Variants in ACOT1 observed in about 807,000 individuals in gnomAD.
The protein encoded by ACOT1 is acyl-CoA thioesterase 1, also known as acyl-coenzyme A thioesterase 1.
In ACOT1, 8 loss-of-function variants were observed where a neutral mutation model predicts 15.7. That is an observed-to-expected ratio of 0.51 (90% CI 0.30 to 0.92). ACOT1 has a LOEUF of 0.92. Ranked by LOEUF, ACOT1 falls within the 40% of genes least tolerant of loss-of-function variation. ACOT1 has a pLI of 0.06. For synonymous variants in ACOT1, 67 were observed against 241.2 expected (o/e 0.28, Z 6.69); for missense variants, 151 against 539.4 (o/e 0.28, Z 7.13).
chr14:73,532,303 T>C (rs1271325150), upstream of ACOT1, among the ~76,000 whole-genome samples: 30 of 115,876 alleles, frequency 2.6e-4, 12 homozygotes, highest in Non-Finnish European at 4.3e-4. Context: ...CCTGGCTAGA[T>C]TATTAGCCAT....
chr14:73,520,911 G>A, the ACOT1 span: 1 of 1,614,008 alleles, frequency 6.2e-7, no homozygotes, highest in South Asian at 1.1e-5. Context: ...TCCAGCTCGG[G>A]GAGTCACCTG....
Position 73,543,436 on chromosome 14 carries a change from GC to G in ACOT1, c.1051del (p.Gln351ArgfsTer83). The G allele has an allele frequency of 9.6e-7, 1 of 1,037,780 alleles. No individual in the cohort carries two copies. Among genetic ancestry groups the G allele is most frequent in the Non-Finnish European group, 1.4e-6 (1 of 715,890 alleles). 64.3% of individuals were successfully genotyped at this position (1,037,780 alleles called of 1,614,324 possible). A position where few individuals can be genotyped will look rare whatever the true frequency, so the allele number is the denominator to read the frequency against. On this transcript the variant is annotated frameshift_variant, in exon 3 of 3. Transcript: ENST00000311148. LOFTEE classifies it low-confidence loss of function (END_TRUNC). ...GCTTGCAGGCCCATGGGAGGAGAAA[GC>G]CCCAGATCATCTGTTACCCAGAGAC... ...KRLQAHGRRK[P>X]QIICYPETGH...
chr14:73,492,950 G>A, the ACOT1 span: 1 of 1,609,096 alleles, frequency 6.2e-7, no homozygotes, highest in East Asian at 2.2e-5. This position sits in a 1 kb window ranked among gnomAD's most constrained non-coding sequence, Gnocchi z 4.9. Context: ...TTAGTTTCTT[G>A]TTGATTGCTG....
chr14:73,493,400 T>C, the ACOT1 span: 3 of 373,760 alleles, frequency 8.0e-6, no homozygotes, highest in Non-Finnish European at 1.5e-5. Context: ...ATGTTTCCCT[T>C]TCCTAAGGCT....
At chr14:73,506,679 G>T in the ACOT1 span, 1 of 760,914 alleles carries the variant, frequency 1.3e-6, no homozygotes, top group Non-Finnish European at 2.2e-6. Flanking sequence ...GTCACCAGTG[G>T]GCTTACAAGA....
chr14:73,500,743 A>G, the ACOT1 span: 329 of 1,609,352 alleles, frequency 2.0e-4, 1 homozygote, highest in Non-Finnish European at 2.6e-4. Flanking sequence ...GTAAGGCACA[A>G]GTTGCTTTCC....
chr14:73,516,147 CAAAAAAAAAAAA>C, the ACOT1 span, among the ~76,000 whole-genome samples: 1 of 9,158 alleles, frequency 1.1e-4, no homozygotes, highest in Non-Finnish European at 1.5e-4. Context: ...CAACAGTCAT[CAAAAAAAAAAAA>C]AAAAAAAAAA....
At chr14:73,517,681 AG>A in the ACOT1 span, among the ~76,000 whole-genome samples, 21,466 of 136,330 alleles carry the variant, frequency 0.16, 2,250 homozygotes, top group East Asian at 0.33. Flanking sequence ...AAAAAAAAAA[AG>A]AAGAAGAAAA....
the ACOT1 span, among the ~76,000 whole-genome samples, chr14:73,511,564 T>A: frequency 1.7e-5 from 2 of 119,372 alleles, no homozygotes; most frequent in Admixed American, 8.4e-5. Context: ...AATAAATAAA[T>A]AAAATAAAAT....
At chr14:73,502,220 T>A in the ACOT1 span, among the ~76,000 whole-genome samples, 1 of 152,082 alleles carries the variant, frequency 6.6e-6, no homozygotes, top group African/African-American at 2.4e-5. Flanking sequence ...CCACCCTCTG[T>A]GAAACTTGGC....
chr14:73,508,530 C>T, the ACOT1 span, among the ~76,000 whole-genome samples: 1 of 152,048 alleles, frequency 6.6e-6, no homozygotes, highest in African/African-American at 2.4e-5. Flanking sequence ...GGGCGGATCA[C>T]CTAAGGTCAG....
At chr14:73,507,631 T>C in the ACOT1 span, among the ~76,000 whole-genome samples, 1 of 151,970 alleles carries the variant, frequency 6.6e-6, no homozygotes, top group Admixed American at 6.6e-5. Context: ...AGACAGGGTC[T>C]CACTATATTG....
chr14:73,527,224 C>G, the ACOT1 span: 1 of 151,762 alleles, frequency 6.6e-6, no homozygotes, highest in Non-Finnish European at 1.5e-5. Flanking sequence ...GAATAAATAC[C>G]TAACTCTTCA....
chr14:73,543,042 T>G lies in ACOT1; in HGVS notation c.661-8T>G. 3 of 1,329,632 alleles carry G rather than the reference T, an allele frequency of 2.3e-6. No individual in the cohort carries two copies. Among genetic ancestry groups the G allele is most frequent in the Non-Finnish European group, 3.1e-6 (3 of 982,598 alleles). 82.4% of individuals were successfully genotyped at this position (1,329,632 alleles called of 1,614,324 possible). ...ATTCTTCTTCTTTTTCCTTTGTCCC[T>G]TTCTCAGGTAAAAGGTCCAGGAGTT... is the stretch of plus-strand genomic sequence containing the variant. On this transcript the variant is annotated splice_polypyrimidine_tract_variant and splice_region_variant and intron_variant, in intron 2 of 2. Transcript: ENST00000311148.
At chr14:73,507,063 A>G in the ACOT1 span, among the ~76,000 whole-genome samples, 15 of 152,022 alleles carry the variant, frequency 9.9e-5, no homozygotes, top group Non-Finnish European at 2.2e-4. Flanking sequence ...TCGGCCTCCC[A>G]AAGTGCTGGG....
At chr14:73,491,167 G>GGCA in the ACOT1 span, 2 of 1,603,532 alleles carry the variant, frequency 1.2e-6, no homozygotes. Context: ...TATCCCGCAT[G>GGCA]GCAGCGCTGA....
At chr14:73,496,211 GA>G in the ACOT1 span, among the ~76,000 whole-genome samples, 5 of 151,962 alleles carry the variant, frequency 3.3e-5, no homozygotes, top group East Asian at 9.7e-4. Flanking sequence ...TAGGAATTCA[GA>G]AAAATTAAGA....
At chr14:73,514,200 A>G in the ACOT1 span, 1 of 1,614,190 alleles carries the variant, frequency 6.2e-7, no homozygotes, top group Non-Finnish European at 8.5e-7. Context: ...TGGGCAAAGC[A>G]GTCCAGCGCA....
At chr14:73,539,790 G>A (rs567909605) in intron 1 of ACOT1, 1 of 116,874 alleles carries the variant, frequency 8.6e-6, no homozygotes, top group African/African-American at 2.8e-5. Flanking sequence ...CATCGCTGCC[G>A]GGGCACTGGG....
Sources: gnomAD v4.1 joint callset for allele counts (sites outside exome capture counted in the v4.1 genomes callset) on GRCh38, gnomAD v4.1.1 for gene constraint, Gnocchi (gnomAD v3.1) non-coding constraint, MANE v1.5 for transcripts, NCBI Gene and HGNC (gene_info 2026-07-23, HGNC 2026-07-21) for gene names.